Variants in ARHGAP24 observed in about 807,000 individuals in gnomAD.
ARHGAP24 encodes the protein Rho GTPase activating protein 24, also known as rho GTPase-activating protein 24.
Under a neutral mutation model 76.4 loss-of-function variants are expected in ARHGAP24, and 50 were observed. The ratio of observed to expected loss-of-function variants is 0.65; its 90% CI spans 0.52 to 0.83. The LOEUF is 0.83. Among genes scored for constraint, ARHGAP24 ranks in the 40% least tolerant of loss-of-function variants. The pLI is 0.00. For missense variants in ARHGAP24, 930 were observed against 914.2 expected (o/e 1.02, Z -0.22); for synonymous variants, 345 against 323.3 (o/e 1.07, Z -0.72).
chr4:85,840,389 A>G (rs1730533317), intron 3 of ARHGAP24, among the ~76,000 whole-genome samples: 1 of 152,200 alleles, frequency 6.6e-6, no homozygotes, highest in Non-Finnish European at 1.5e-5. Flanking sequence ...TAGTCTAAAT[A>G]ACAGCTATGA....
At chr4:85,688,004 G>A (rs1013574407) in intron 2 of ARHGAP24, among the ~76,000 whole-genome samples, 2 of 151,948 alleles carry the variant, frequency 1.3e-5, no homozygotes, top group African/African-American at 4.8e-5. Flanking sequence ...GTAGAGATGG[G>A]GTTTCACCAT....
At chr4:85,961,889 C>T (rs1378269854) in intron 5 of ARHGAP24, among the ~76,000 whole-genome samples, 1 of 152,038 alleles carries the variant, frequency 6.6e-6, no homozygotes, top group African/African-American at 2.4e-5. Flanking sequence ...TCTAAAGTCT[C>T]TCCGATTATG....
intron 2 of ARHGAP24, among the ~76,000 whole-genome samples, chr4:85,615,073 A>G (rs1398331996): frequency 6.6e-6 from 1 of 152,056 alleles, no homozygotes; most frequent in African/African-American, 2.4e-5. Flanking sequence ...GATCCATAGA[A>G]GAAATTTCTC....
intron 9 of ARHGAP24, among the ~76,000 whole-genome samples, chr4:85,997,605 A>AT (rs1740755844): frequency 6.6e-6 from 1 of 151,154 alleles, no homozygotes; most frequent in South Asian, 2.1e-4. Context: ...TGAAACATAT[A>AT]TTCTTTTTCC....
intron 2 of ARHGAP24, among the ~76,000 whole-genome samples, chr4:85,642,010 A>G (rs1721541302): frequency 6.6e-6 from 1 of 152,126 alleles, no homozygotes; most frequent in African/African-American, 2.4e-5. Flanking sequence ...TGTCCATTCA[A>G]TGTCTTCTTG....
intron 2 of ARHGAP24, among the ~76,000 whole-genome samples, chr4:85,641,950 A>G (rs1721537938): frequency 6.6e-6 from 1 of 152,152 alleles, no homozygotes; most frequent in African/African-American, 2.4e-5. Flanking sequence ...ATTGGACAAG[A>G]AGGGCGTGAT....
At chr4:85,905,301 G>A (rs925475713) in intron 3 of ARHGAP24, among the ~76,000 whole-genome samples, 2 of 152,154 alleles carry the variant, frequency 1.3e-5, no homozygotes, top group Non-Finnish European at 2.9e-5. Flanking sequence ...GGGCTAGCCA[G>A]TAAGCTAGGC....
chr4:85,571,806 G>T (rs1019643832), intron 2 of ARHGAP24, among the ~76,000 whole-genome samples: 2 of 152,042 alleles, frequency 1.3e-5, no homozygotes, highest in Non-Finnish European at 2.9e-5. Context: ...AATCCTATGA[G>T]GTAGGTATTG....
chr4:85,557,459 G>A (rs2110133327), intron 1 of ARHGAP24, among the ~76,000 whole-genome samples: 1 of 152,336 alleles, frequency 6.6e-6, no homozygotes, highest in Non-Finnish European at 1.5e-5. Flanking sequence ...GATTTCCTGA[G>A]CAGAAGTGGT....
intron 1 of ARHGAP24, among the ~76,000 whole-genome samples, chr4:85,546,853 C>A (rs1725938702): frequency 1.3e-5 from 2 of 152,196 alleles, no homozygotes; most frequent in Admixed American, 1.3e-4. Context: ...AACTTCTGAG[C>A]ACCCTTCACC....
chr4:85,927,417 A>G (rs1812331), intron 4 of ARHGAP24, among the ~76,000 whole-genome samples: 99,870 of 152,030 alleles, frequency 0.66, 33,796 homozygotes, highest in East Asian at 0.99. Context: ...TAACTGTGGT[A>G]ATGGTTGCAA....
At chr4:85,766,261 A>T (rs180671048) in intron 3 of ARHGAP24, among the ~76,000 whole-genome samples, 1 of 152,162 alleles carries the variant, frequency 6.6e-6, no homozygotes, top group Non-Finnish European at 1.5e-5. Flanking sequence ...CATAAAAAAG[A>T]AAAGATAGAG....
intron 3 of ARHGAP24, among the ~76,000 whole-genome samples, chr4:85,866,603 G>A (rs1386368975): frequency 2.0e-5 from 3 of 152,024 alleles, no homozygotes; most frequent in African/African-American, 7.2e-5. Context: ...TCAAACCAAT[G>A]GTTTGAGAAA....
chr4:85,930,432 A>G, intron 4 of ARHGAP24: 1 of 986,532 alleles, frequency 1.0e-6, no homozygotes, highest in Non-Finnish European at 1.2e-6. Context: ...TCTTGCTCAG[A>G]TGAAAGGAGC....
chr4:85,694,636 C>T (rs997910323), intron 2 of ARHGAP24, among the ~76,000 whole-genome samples: 1 of 152,104 alleles, frequency 6.6e-6, no homozygotes, highest in African/African-American at 2.4e-5. Context: ...GACACTGTCC[C>T]TGACTTTCCC....
intron 1 of ARHGAP24, among the ~76,000 whole-genome samples, chr4:85,504,969 T>A (rs1723985804): frequency 6.6e-6 from 1 of 152,152 alleles, no homozygotes; most frequent in Non-Finnish European, 1.5e-5. Flanking sequence ...TATTTTCCCT[T>A]CACTCATGAA....
chr4:85,683,125 G>GGGT (rs1560583968), intron 2 of ARHGAP24, among the ~76,000 whole-genome samples: 46 of 107,742 alleles, frequency 4.3e-4, no homozygotes, highest in African/African-American at 1.3e-3. Flanking sequence ...GGTGGGGGGG[G>GGGT]GGTGCGGGGG....
chr4:85,719,820 A>G (rs1331202043), intron 2 of ARHGAP24, among the ~76,000 whole-genome samples: 2 of 152,144 alleles, frequency 1.3e-5, no homozygotes, highest in Non-Finnish European at 2.9e-5. Flanking sequence ...AACTACATAC[A>G]ATGGTAAATC....
chr4:85,716,135 C>G (rs1351285770), intron 2 of ARHGAP24, among the ~76,000 whole-genome samples: 1 of 151,968 alleles, frequency 6.6e-6, no homozygotes, highest in East Asian at 1.9e-4. Flanking sequence ...AGCTATTACA[C>G]ATGCATGTTT....
Sources: gnomAD v4.1 joint callset for allele counts (sites outside exome capture counted in the v4.1 genomes callset) on GRCh38, gnomAD v4.1.1 for gene constraint, MANE v1.5 for transcripts, NCBI Gene and HGNC (gene_info 2026-07-23, HGNC 2026-07-21) for gene names.